The following BIRC6 variants were observed in gnomAD, a reference collection of about 807,000 sequenced individuals.
The protein encoded by BIRC6 is dual E2 ubiquitin-conjugating enzyme/E3 ubiquitin-protein ligase BIRC6.
In BIRC6, 98 loss-of-function variants were observed where a neutral mutation model predicts 503.3. The ratio of observed to expected loss-of-function variants is 0.19; its 90% CI spans 0.17 to 0.23. The LOEUF is 0.23. Among genes scored for constraint, BIRC6 ranks in the 10% least tolerant of loss-of-function variants. The pLI, the probability that BIRC6 is intolerant of heterozygous loss-of-function variation, is 1.00. For missense variants in BIRC6, 5,360 were observed against 5,806.0 expected (o/e 0.92, Z 2.50); for synonymous variants, 2,240 against 2,078.7 (o/e 1.08, Z -2.11).
rs143252244 is a variant in BIRC6, at chr2:32,617,356, G to A, written c.14395-369G>A. ...GCGGAGGTTGCAATGAGCTGAGATC[G>A]CGCCAGTGCACTCCAGCCTGGGCAA... is the stretch of plus-strand genomic sequence containing the variant. On this transcript the variant is annotated intron_variant, in intron 73 of 73. Coordinates refer to ENST00000421745, the MANE Select transcript of BIRC6 (RefSeq NM_016252.4). 1.3e-3 allele frequency among the ~76,000 whole-genome samples: 198 copies of A among 152,236 alleles called. 1 individual carries two copies. The highest frequency in any genetic ancestry group is 4.5e-3 in the African/African-American group (187 of 41,536).
rs1406532814 is a variant in BIRC6 at position 32,388,935 on chromosome 2, T to A, written c.831T>A (p.Ser277=). 1 of 1,581,968 alleles carries A rather than the reference T, an allele frequency of 6.3e-7. No homozygotes were observed. The highest frequency in any genetic ancestry group is 8.6e-7 in the Non-Finnish European group (1 of 1,164,856). The change falls in exon 4 of 74, where the codon TCT becomes TCA. Residue 277 remains serine, a synonymous_variant. Coordinates refer to ENST00000421745, the MANE Select transcript of BIRC6 (RefSeq NM_016252.4). The part of the protein sequence containing the change: ...RPELGVGPGR[S]VDRSLMYSEA... ...AACTCGGAGTGGGGCCAGGCCGTTC[T>A]GTAGACAGGTATGAACCTTGCTAAC... is the stretch of plus-strand genomic sequence containing the variant.
intron 61 of BIRC6, chr2:32,532,323 C>A: frequency 2.2e-6 from 1 of 459,086 alleles, no homozygotes. Context: ...CAGGGCCATG[C>A]TCCCTCTGAA....
chr2:32,588,098 G>A (rs1238987213), intron 66 of BIRC6, among the ~76,000 whole-genome samples: 1 of 152,152 alleles, frequency 6.6e-6, no homozygotes, highest in Non-Finnish European at 1.5e-5. Context: ...GGTGGCTCAC[G>A]CCTGTAATCC....
chr2:32,510,715 T>TG, intron 53 of BIRC6, 81 bp downstream of exon 53: 4 of 962,552 alleles, frequency 4.2e-6, no homozygotes, highest in East Asian at 2.4e-5. Context: ...AGTTTTTCCT[T>TG]AGATGATCTC....
Position 32,477,395 on chromosome 2 carries a change from C to T in BIRC6, c.6880C>T (p.Arg2294Trp). 3 of 1,613,856 alleles carry T rather than the reference C, an allele frequency of 1.9e-6. No individual in the cohort carries two copies. Among genetic ancestry groups the T allele is most frequent in the Non-Finnish European group, 2.5e-6 (3 of 1,179,828 alleles). The stretch of plus-strand genomic sequence containing the variant: ...CTTTAAGGATTTAATTCGTTTACGT[C>T]GGACAGCAGAATGGTCCCGTTCTAA... ...KHFKDLIRLR[R>W]TAEWSRSNLD... The change falls in exon 35 of 74, where the codon CGG (arginine) becomes TGG (tryptophan). Residue 2294 changes from arginine to tryptophan, a missense_variant. Coordinates refer to ENST00000421745, the MANE Select transcript of BIRC6 (RefSeq NM_016252.4).
chr2:32,409,019 A>G (rs1303487984), intron 9 of BIRC6, among the ~76,000 whole-genome samples: 1 of 152,222 alleles, frequency 6.6e-6, no homozygotes, highest in Non-Finnish European at 1.5e-5. Flanking sequence ...TTCCTGAAGT[A>G]TCTAAAAAGT....
At chr2:32,580,015 T>C (rs746504659) in intron 66 of BIRC6, among the ~76,000 whole-genome samples, 10 of 151,050 alleles carry the variant, frequency 6.6e-5, no homozygotes, top group Non-Finnish European at 1.0e-4. Flanking sequence ...GTGCAGTGGC[T>C]TGATCTCGGC....
intron 22 of BIRC6, 83 bp downstream of exon 22, chr2:32,449,011 T>G: frequency 7.5e-7 from 1 of 1,341,384 alleles, no homozygotes; most frequent in Non-Finnish European, 1.0e-6. Flanking sequence ...ATTATAGTCA[T>G]GATGTTTTGT....
chr2:32,396,652 C>G (rs2039926025), intron 6 of BIRC6, among the ~76,000 whole-genome samples: 1 of 152,076 alleles, frequency 6.6e-6, no homozygotes, highest in African/African-American at 2.4e-5. Context: ...CCCTATACAT[C>G]CATAACCTAT....
At chr2:32,483,395 C>T (rs1463888770) in intron 39 of BIRC6, among the ~76,000 whole-genome samples, 1 of 152,134 alleles carries the variant, frequency 6.6e-6, no homozygotes, top group Non-Finnish European at 1.5e-5. Flanking sequence ...TTCTCTAGAA[C>T]CATTTGAGAG....
chr2:32,484,038 C>T (rs2050709915), intron 39 of BIRC6, among the ~76,000 whole-genome samples: 1 of 152,108 alleles, frequency 6.6e-6, no homozygotes, highest in Non-Finnish European at 1.5e-5. Flanking sequence ...TTTCAGTTCC[C>T]TGCAGTCACT....
chr2:32,457,933 A>G (rs2047423985), intron 23 of BIRC6, among the ~76,000 whole-genome samples: 1 of 152,136 alleles, frequency 6.6e-6, no homozygotes, highest in African/African-American at 2.4e-5. Context: ...AACAGATCTA[A>G]TATCTGATAA....
chr2:32,523,669 A>G (rs1572799378), intron 57 of BIRC6: 2 of 152,332 alleles, frequency 1.3e-5, no homozygotes, highest in Middle Eastern at 3.4e-3. Context: ...GTAAAATGAG[A>G]GTTATTACAA....
intron 59 of BIRC6, chr2:32,526,392 C>T (rs1176008060): frequency 6.6e-6 from 1 of 152,068 alleles, no homozygotes; most frequent in Non-Finnish European, 1.5e-5. Context: ...TTTTTTTGCT[C>T]TGTGGTGTTG....
At chr2:32,601,522 G>C (rs769217527) in intron 70 of BIRC6, among the ~76,000 whole-genome samples, 4 of 152,060 alleles carry the variant, frequency 2.6e-5, no homozygotes, top group African/African-American at 4.8e-5. Flanking sequence ...CGGAGGTTGC[G>C]GTGAGCCCAG....
intron 6 of BIRC6, 124 bp from the exon 7 acceptor site, chr2:32,401,037 TAA>T (rs2040550871): frequency 4.0e-6 from 3 of 757,206 alleles, no homozygotes; most frequent in Non-Finnish European, 6.4e-6. Flanking sequence ...TTGGTTATAT[TAA>T]GTCTTTAATG....
intron 1 of BIRC6, among the ~76,000 whole-genome samples, chr2:32,363,584 A>G (rs2034442937): frequency 6.6e-6 from 1 of 152,126 alleles, no homozygotes; most frequent in Non-Finnish European, 1.5e-5. Context: ...CCAGTGTAGT[A>G]CATTTTATAC....
chr2:32,541,983 T>C (rs745468796), intron 61 of BIRC6, among the ~76,000 whole-genome samples: 3 of 152,068 alleles, frequency 2.0e-5, no homozygotes, highest in Non-Finnish European at 4.4e-5. Context: ...TTGAGGATAC[T>C]GGTAGTTCAG....
intron 23 of BIRC6, 120 bp from the exon 24 acceptor site, chr2:32,463,074 G>T: frequency 1.4e-6 from 1 of 708,126 alleles, no homozygotes; most frequent in Non-Finnish European, 2.2e-6. Flanking sequence ...TTTTTAGAAT[G>T]AAAATTAACT....
Sources: allele counts gnomAD v4.1 joint callset (sites outside exome capture counted in the v4.1 genomes callset), GRCh38; gene constraint gnomAD v4.1.1; transcripts MANE v1.5; gene names NCBI Gene and HGNC (gene_info 2026-07-23, HGNC 2026-07-21).